KIAA1217: variants seen among roughly 807,000 people sequenced by gnomAD.
KIAA1217 encodes the protein sickle tail protein homolog.
In KIAA1217, 88 loss-of-function variants were observed where a neutral mutation model predicts 163.9. The ratio of observed to expected loss-of-function variants is 0.54; its 90% CI spans 0.45 to 0.64. The LOEUF (loss-of-function observed/expected upper bound fraction) is 0.64, where lower values mean the gene tolerates loss of function less well. Ranked by LOEUF, KIAA1217 falls within the 30% of genes least tolerant of loss-of-function variation. The probability of loss-of-function intolerance (pLI) is 0.00; values close to 1 mark genes in which losing one functional copy is unlikely to be tolerated. For missense variants in KIAA1217, 2,372 were observed against 2,475.0 expected, an observed-to-expected ratio of 0.96 and a Z score of 0.88; for synonymous variants, 903 against 923.1, an observed-to-expected ratio of 0.98 and a Z score of 0.39.
intron 10 of KIAA1217, among the ~76,000 whole-genome samples, chr10:24,516,204 T>A (rs1221240894): frequency 6.6e-6 from 1 of 152,242 alleles, no homozygotes; most frequent in Non-Finnish European, 1.5e-5. Flanking sequence ...AACCAACAAG[T>A]TTCTGGCCTG....
At chr10:24,256,082 C>T (rs1186272787) in intron 2 of KIAA1217, among the ~76,000 whole-genome samples, 1 of 151,084 alleles carries the variant, frequency 6.6e-6, no homozygotes, top group African/African-American at 2.4e-5. Flanking sequence ...TGCTTTTCCC[C>T]TCACTTCTCC....
At chr10:23,890,574 C>T (rs920468908) in intron 1 of KIAA1217, among the ~76,000 whole-genome samples, 4 of 151,720 alleles carry the variant, frequency 2.6e-5, no homozygotes, top group East Asian at 1.9e-4. Context: ...TTAGTGTTAT[C>T]GATTTCTAAT....
At chr10:24,397,262 G>T (rs2055908901) in intron 3 of KIAA1217, among the ~76,000 whole-genome samples, 1 of 151,968 alleles carries the variant, frequency 6.6e-6, no homozygotes, top group Non-Finnish European at 1.5e-5. Context: ...GCTAATTTTT[G>T]TATTTTTAAT....
At chr10:24,063,243 G>T (rs566455874) in intron 2 of KIAA1217, among the ~76,000 whole-genome samples, 1 of 152,202 alleles carries the variant, frequency 6.6e-6, no homozygotes, top group East Asian at 1.9e-4. Flanking sequence ...GTATTGCCTA[G>T]GTTTTCTTCT....
chr10:23,706,318 T>A (rs1836880518), intron 1 of KIAA1217, among the ~76,000 whole-genome samples: 1 of 152,208 alleles, frequency 6.6e-6, no homozygotes, highest in Non-Finnish European at 1.5e-5. Flanking sequence ...TAAACAGAAG[T>A]AGCACAGGTG....
intron 2 of KIAA1217, among the ~76,000 whole-genome samples, chr10:24,066,417 G>A (rs1178124457): frequency 6.6e-6 from 1 of 152,124 alleles, no homozygotes; most frequent in African/African-American, 2.4e-5. Context: ...AGTTTGGCTG[G>A]ATATGAAATT....
intron 2 of KIAA1217, among the ~76,000 whole-genome samples, chr10:24,175,448 TG>T (rs2065834443): frequency 7.0e-6 from 1 of 142,850 alleles, no homozygotes; most frequent in African/African-American, 2.6e-5. Flanking sequence ...TATATATGTG[TG>T]TGTGTGTGTG....
At chr10:24,070,599 A>G (rs2061149589) in intron 2 of KIAA1217, among the ~76,000 whole-genome samples, 1 of 152,238 alleles carries the variant, frequency 6.6e-6, no homozygotes. Context: ...AGTGTGTTTT[A>G]TAACCATATC....
At chr10:24,355,330 G>C (rs2048952463) in intron 2 of KIAA1217, among the ~76,000 whole-genome samples, 1 of 152,170 alleles carries the variant, frequency 6.6e-6, no homozygotes, top group Non-Finnish European at 1.5e-5. Flanking sequence ...TCGACTTGGG[G>C]GCTTAAATGA....
intron 1 of KIAA1217, among the ~76,000 whole-genome samples, chr10:23,882,307 A>C (rs1840986001): frequency 6.6e-6 from 1 of 151,916 alleles, no homozygotes. Context: ...AAAGTATGGC[A>C]GTTTAGATGA....
intron 1 of KIAA1217, among the ~76,000 whole-genome samples, chr10:23,767,184 A>G (rs935761562): frequency 5.3e-5 from 8 of 152,252 alleles, no homozygotes; most frequent in Admixed American, 1.3e-4. Flanking sequence ...GAATACGTAT[A>G]AAGTGCATCC....
chr10:23,804,508 C>T (rs1836643695), intron 1 of KIAA1217, among the ~76,000 whole-genome samples: 1 of 152,200 alleles, frequency 6.6e-6, no homozygotes, highest in South Asian at 2.1e-4. Flanking sequence ...AAATGTTGGA[C>T]TTTCACTTGG....
chr10:24,535,399 T>G (rs192156434), intron 16 of KIAA1217, among the ~76,000 whole-genome samples: 53 of 152,368 alleles, frequency 3.5e-4, no homozygotes, highest in Non-Finnish European at 6.0e-4. Flanking sequence ...ACATTATTCT[T>G]TCTGCTGGCA....
At chr10:24,225,790 T>C (rs1300730288) in intron 2 of KIAA1217, among the ~76,000 whole-genome samples, 1 of 152,258 alleles carries the variant, frequency 6.6e-6, no homozygotes, top group East Asian at 1.9e-4. Flanking sequence ...ATATATTTTT[T>C]ACATTTCTTT....
Position 24,153,307 on chromosome 10 carries a change from C to G in KIAA1217, c.-170-66319C>G, listed in dbSNP as rs938964498. Among the ~76,000 whole-genome samples, 3 of 152,176 alleles carry G rather than the reference C, an allele frequency of 2.0e-5. No homozygotes were observed. In the South Asian group the frequency reaches 6.2e-4, roughly 32 times the overall value. ...GTTTATACTTTTGAGGGTAAGAACACCACTTGTGGTTATGTCTGTCTGGAA... is the reference window on the plus strand; with the variant it reads ...GTTTATACTTTTGAGGGTAAGAACAGCACTTGTGGTTATGTCTGTCTGGAA... On this transcript the variant is annotated intron_variant, in intron 2 of 18. Transcript: ENST00000376462.
At chr10:24,174,602 C>T (rs2065781497) in intron 2 of KIAA1217, among the ~76,000 whole-genome samples, 1 of 152,192 alleles carries the variant, frequency 6.6e-6, no homozygotes, top group Non-Finnish European at 1.5e-5. Flanking sequence ...GACTTCTAGC[C>T]TCCAGAACTA....
At chr10:24,138,696 CT>C (rs1321549010) in intron 2 of KIAA1217, among the ~76,000 whole-genome samples, 4 of 151,622 alleles carry the variant, frequency 2.6e-5, no homozygotes, top group Non-Finnish European at 5.9e-5. Flanking sequence ...CCACTTCCCC[CT>C]ATCTGGAATT....
chr10:23,889,823 AT>A (rs986889230), intron 1 of KIAA1217, among the ~76,000 whole-genome samples: 2 of 151,654 alleles, frequency 1.3e-5, no homozygotes, highest in African/African-American at 4.8e-5. Context: ...TTGTGCATTG[AT>A]TTTTTTGCAT....
chr10:23,765,187 C>CTCTTTT (rs1834448899), intron 1 of KIAA1217, among the ~76,000 whole-genome samples: 1 of 75,358 alleles, frequency 1.3e-5, no homozygotes, highest in Non-Finnish European at 2.3e-5. Context: ...TTTTTGTTCT[C>CTCTTTT]TTTTTTTTTT....
Sources: gnomAD v4.1 joint callset for allele counts (sites outside exome capture counted in the v4.1 genomes callset) on GRCh38, gnomAD v4.1.1 for gene constraint, MANE v1.5 for transcripts, NCBI Gene and HGNC (gene_info 2026-07-23, HGNC 2026-07-21) for gene names.